The following TTC27 variants were observed in gnomAD, a reference collection of about 807,000 sequenced individuals.
TTC27 encodes tetratricopeptide repeat protein 27.
A neutral mutation model predicts 115.9 loss-of-function variants in TTC27; 79 were observed. The observed-to-expected ratio is 0.68, with a 90% CI of 0.57 to 0.82. TTC27 has a LOEUF of 0.82. Ranked by LOEUF, TTC27 falls within the 40% of genes least tolerant of loss-of-function variation. The probability of loss-of-function intolerance (pLI) is 0.00; values close to 1 mark genes in which losing one functional copy is unlikely to be tolerated. For missense variants in TTC27, 1,054 were observed against 993.1 expected (o/e 1.06, Z -0.82); for synonymous variants, 401 against 356.0 (o/e 1.13, Z -1.42).
intron 5 of TTC27, among the ~76,000 whole-genome samples, chr2:32,655,001 T>G (rs1483343152): frequency 6.6e-6 from 1 of 150,878 alleles, no homozygotes; most frequent in African/African-American, 2.4e-5. Flanking sequence ...TGGCCTTTTT[T>G]TTTTTGAGAC....
intron 13 of TTC27, among the ~76,000 whole-genome samples, chr2:32,765,417 C>T (rs1008503372): frequency 1.3e-5 from 2 of 150,714 alleles, no homozygotes; most frequent in African/African-American, 2.4e-5. Flanking sequence ...TTCAGTAAAC[C>T]GTGCTGTAAA....
intron 10 of TTC27, among the ~76,000 whole-genome samples, chr2:32,720,688 C>G (rs551042001): frequency 3.9e-5 from 6 of 152,036 alleles, no homozygotes; most frequent in Non-Finnish European, 8.8e-5. Context: ...AATTCAGTAC[C>G]CTATGTGCTC....
chr2:32,680,434 C>G (rs1480118569), intron 9 of TTC27, among the ~76,000 whole-genome samples: 1 of 151,952 alleles, frequency 6.6e-6, no homozygotes, highest in Non-Finnish European at 1.5e-5. Flanking sequence ...AAAGAGAGAA[C>G]CAGCTATTTC....
chr2:32,782,339 T>C (rs6737725), intron 14 of TTC27, among the ~76,000 whole-genome samples: 8,692 of 152,256 alleles, frequency 0.057, 459 homozygotes, highest in African/African-American at 0.14. Context: ...ATATAGAGTA[T>C]GTTGTATTAG....
At position 32,777,937 on chromosome 2, in the gene TTC27, G is replaced by T. The variant is rs766986235; in HGVS notation, c.1736G>T (p.Gly579Val). The stretch of plus-strand genomic sequence containing the variant: ...TATTTGGCCTTGGAAGACTATCAAG[G>T]TTCAGCAAAGGCATTTCAGCGCTGT... ...CAYLALEDYQ[G>V]SAKAFQRCVT... Residue 579 changes from glycine to valine, a missense_variant, in exon 14 of 20, where the codon GGT becomes GTT. By Grantham distance (109) the Gly-to-Val change is moderately radical (BLOSUM62 -3). Coordinates refer to ENST00000317907, the MANE Select transcript of TTC27 (RefSeq NM_017735.5). The T allele has an allele frequency of 4.3e-6, 7 of 1,613,912 alleles. No homozygotes were observed. Among genetic ancestry groups the T allele is most frequent in the African/African-American group, 2.7e-5 (2 of 74,884 alleles).
intron 10 of TTC27, among the ~76,000 whole-genome samples, chr2:32,718,428 C>G (rs1419359453): frequency 6.6e-6 from 1 of 152,018 alleles, no homozygotes; most frequent in African/African-American, 2.4e-5. Flanking sequence ...TCCAGTAAAT[C>G]TGTATTTTTC....
chr2:32,769,657 A>T (rs897331745), intron 13 of TTC27, among the ~76,000 whole-genome samples: 1 of 152,176 alleles, frequency 6.6e-6, no homozygotes, highest in Non-Finnish European at 1.5e-5. Flanking sequence ...AGGAGAAGAG[A>T]TGAAGATATT....
rs1244424876 is a variant in TTC27, at chr2:32,715,836, A to C, written c.1233+12916A>C. On this transcript the variant is annotated intron_variant, in intron 10 of 19. Transcript: ENST00000317907. ...ACACTGAGGCTCGTACTTGTGTTTG[A>C]ATAATTTGAGAAAGAGGTCCTTTAT... Among the ~76,000 whole-genome samples the C allele has an allele frequency of 2.0e-5, 3 of 151,944 alleles. No homozygotes were observed. In the South Asian group the frequency reaches 6.2e-4, roughly 32 times the overall value.
chr2:32,685,067 G>T lies in TTC27; in HGVS notation c.1119+6145G>T, dbSNP rs149159521. On this transcript the variant is annotated intron_variant, in intron 9 of 19. Coordinates refer to ENST00000317907, the MANE Select transcript of TTC27 (RefSeq NM_017735.5). ...TTATTATTAGATGGAGTCTTGCTCTGTCCCCCAGGGTGGAGTGCAATGGCG... is the reference window on the plus strand; with the variant it reads ...TTATTATTAGATGGAGTCTTGCTCTTTCCCCCAGGGTGGAGTGCAATGGCG... Among the ~76,000 whole-genome samples, 192 of 105,112 alleles carry T rather than the reference G, an allele frequency of 1.8e-3. 1 individual carries two copies. Among genetic ancestry groups the T allele is most frequent in the African/African-American group, 6.9e-3 (184 of 26,720 alleles). 69.0% of individuals were successfully genotyped at this position (105,112 alleles called of 152,430 possible). A position where few individuals can be genotyped will look rare whatever the true frequency, so the allele number is the denominator to read the frequency against.
chr2:32,636,909 A>C (rs932312958), intron 3 of TTC27, among the ~76,000 whole-genome samples: 1 of 152,172 alleles, frequency 6.6e-6, no homozygotes, highest in African/African-American at 2.4e-5. Flanking sequence ...ATGAGCAGGA[A>C]TTTAGAGGAG....
At position 32,820,841 on chromosome 2, in the gene TTC27, G is replaced by A; in HGVS notation, c.2435G>A (p.Gly812Glu). ...AKQLFTDVAT[G>E]EMSRELADDI... The stretch of plus-strand genomic sequence containing the variant: ...CAACTTTTTACAGATGTGGCAACTG[G>A]AGAAATGTCCAGGGAATTAGCTGAT... Residue 812 changes from glycine (G) to glutamate (E), a missense_variant, in exon 20 of 20, where the codon GGA becomes GAA. Coordinates refer to ENST00000317907, the MANE Select transcript of TTC27 (RefSeq NM_017735.5). 2 of 1,538,226 alleles carry A rather than the reference G, an allele frequency of 1.3e-6. No individual in the cohort carries two copies. Among genetic ancestry groups the A allele is most frequent in the Non-Finnish European group, 1.8e-6 (2 of 1,138,418 alleles).
intron 16 of TTC27, among the ~76,000 whole-genome samples, chr2:32,808,740 AAAGTG>A (rs1448659248): frequency 6.6e-6 from 1 of 152,230 alleles, no homozygotes; most frequent in Non-Finnish European, 1.5e-5. Flanking sequence ...CCAGTAGGCT[AAAGTG>A]AAGGGATAGG....
chr2:32,758,313 G>A lies in TTC27; in HGVS notation c.1474G>A (p.Glu492Lys). The change falls in exon 13 of 20, where the codon GAG becomes AAG. Residue 492 changes from glutamate (E) to lysine (K), a missense_variant. Glu to Lys is a moderately conservative substitution (Grantham distance 56). Transcript: ENST00000317907. ...CTAGGCAGAAGAAATCCTTAGACAA[G>A]AGCTGGAGAAAAAAGAAACGCCTAG... ...HGKAEEILRQ[E>K]LEKKETPSLY... 1.9e-6 allele frequency: 3 copies of A among 1,614,060 alleles called. No individual in the cohort carries two copies. Among genetic ancestry groups the A allele is most frequent in the Non-Finnish European group, 2.5e-6 (3 of 1,179,980 alleles).
At chr2:32,658,067 G>A (rs1462615679) in intron 5 of TTC27, among the ~76,000 whole-genome samples, 1 of 152,156 alleles carries the variant, frequency 6.6e-6, no homozygotes, top group Non-Finnish European at 1.5e-5. Flanking sequence ...GACCTCAGGT[G>A]ATCCACCACC....
Position 32,708,304 on chromosome 2 carries a change from G to GTTTTT in TTC27, c.1233+5402_1233+5406dup, listed in dbSNP as rs1158508588. ...AATAGCGTTTTCTTTTCTCTACCTT[G>GTTTTT]TTTTTTTTTTTTTTTTTTTTTTAAT... On this transcript the variant is annotated intron_variant, in intron 10 of 19. Coordinates refer to ENST00000317907, the MANE Select transcript of TTC27 (RefSeq NM_017735.5). Among the ~76,000 whole-genome samples the GTTTTT allele has an allele frequency of 7.0e-4, 43 of 61,350 alleles. 2 individuals carry two copies. Among genetic ancestry groups the GTTTTT allele is most frequent in the Non-Finnish European group, 8.7e-4 (28 of 32,166 alleles). The allele number at this position is 61,350 out of a possible 152,430, so 40.2% of individuals were successfully genotyped here.
intron 5 of TTC27, among the ~76,000 whole-genome samples, chr2:32,653,257 C>T (rs948401655): frequency 1.3e-5 from 2 of 152,088 alleles, no homozygotes; most frequent in African/African-American, 2.4e-5. Flanking sequence ...ACATTTCAGG[C>T]AGCTCTGTGA....
At position 32,782,763 on chromosome 2, in the gene TTC27, T is replaced by C. The variant is rs1308960797; in HGVS notation, c.1832+85T>C. ...TACAACTGAACATTGTTTCAATGTT[T>C]CTCCTTGTTTTACCTTTCTCGCCCA... On this transcript the variant is annotated intron_variant, in intron 15 of 19. Coordinates refer to ENST00000317907, the MANE Select transcript of TTC27 (RefSeq NM_017735.5). The C allele has an allele frequency of 1.2e-5, 13 of 1,125,556 alleles. No homozygotes were observed. In the East Asian group the frequency reaches 3.1e-4, roughly 27 times the overall value. 69.7% of individuals were successfully genotyped at this position (1,125,556 alleles called of 1,614,324 possible).
intron 16 of TTC27, among the ~76,000 whole-genome samples, chr2:32,808,036 G>T (rs1671194394): frequency 6.8e-6 from 1 of 146,380 alleles, no homozygotes; most frequent in Admixed American, 7.0e-5. Flanking sequence ...GGGTTCAAGT[G>T]ATTCTCCTGC....
At chr2:32,664,075 A>G (rs1665667951) in intron 5 of TTC27, among the ~76,000 whole-genome samples, 1 of 152,160 alleles carries the variant, frequency 6.6e-6, no homozygotes, top group African/African-American at 2.4e-5. Context: ...TGTGGAATAA[A>G]GGAGATAGTG....
Sources: gnomAD v4.1 joint callset for allele counts (sites outside exome capture counted in the v4.1 genomes callset) on GRCh38, gnomAD v4.1.1 for gene constraint, MANE v1.5 for transcripts, NCBI Gene and HGNC (gene_info 2026-07-23, HGNC 2026-07-21) for gene names.